The following NXPE2 variants were observed in gnomAD, a reference collection of about 807,000 sequenced individuals.
NXPE2 encodes the protein NXPE family member 2.
In NXPE2, 34 loss-of-function variants were observed where a neutral mutation model predicts 34.4. That is an observed-to-expected ratio of 0.99 (90% confidence interval 0.75 to 1.31). The LOEUF is 1.31. NXPE2 is among the 40% of genes most tolerant of loss of function. NXPE2 has a pLI of 0.00. For missense variants in NXPE2, 649 were observed against 672.5 expected (o/e 0.97, Z 0.39); for synonymous variants, 235 against 231.3 (o/e 1.02, Z -0.15).
At chr11:114,616,394 C>T in the NXPE2 span, among the ~76,000 whole-genome samples, 1 of 151,426 alleles carries the variant, frequency 6.6e-6, no homozygotes, top group Non-Finnish European at 1.5e-5. Flanking sequence ...ATAATTGTTG[C>T]CTCGTGGGTA....
At chr11:114,545,045 A>T in the NXPE2 span, among the ~76,000 whole-genome samples, 55 of 151,662 alleles carry the variant, frequency 3.6e-4, no homozygotes, top group African/African-American at 9.9e-4. Flanking sequence ...GCTAAAATTT[A>T]AAAAAAAACC....
At chr11:114,549,895 T>C in the NXPE2 span, among the ~76,000 whole-genome samples, 1 of 151,844 alleles carries the variant, frequency 6.6e-6, no homozygotes, top group African/African-American at 2.4e-5. Flanking sequence ...GGAAATAATA[T>C]ATAAAAAAAT....
chr11:114,515,228 C>T, the NXPE2 span, among the ~76,000 whole-genome samples: 4 of 151,740 alleles, frequency 2.6e-5, no homozygotes, highest in South Asian at 4.2e-4. Flanking sequence ...GAACTATATC[C>T]CCTGAGTTTG....
the NXPE2 span, among the ~76,000 whole-genome samples, chr11:114,563,358 T>C: frequency 6.6e-6 from 1 of 152,234 alleles, no homozygotes; most frequent in Non-Finnish European, 1.5e-5. Context: ...AATTTACTTA[T>C]TGATTCATTC....
At chr11:114,752,650 G>A in the NXPE2 span, among the ~76,000 whole-genome samples, 23 of 152,120 alleles carry the variant, frequency 1.5e-4, no homozygotes, top group African/African-American at 5.6e-4. Context: ...GGCATGAGAT[G>A]TGAATCAAGA....
At chr11:114,664,450 A>C in the NXPE2 span, among the ~76,000 whole-genome samples, 2 of 125,274 alleles carry the variant, frequency 1.6e-5, no homozygotes, top group Non-Finnish European at 3.8e-5. Context: ...AACTGTAAAC[A>C]AAAAAAAATA....
chr11:114,481,420 C>G, the NXPE2 span, among the ~76,000 whole-genome samples: 2 of 152,050 alleles, frequency 1.3e-5, no homozygotes, highest in Non-Finnish European at 2.9e-5. Context: ...TACACTATCT[C>G]AGATAAATTA....
chr11:114,786,174 C>T, the NXPE2 span, among the ~76,000 whole-genome samples: 3 of 152,220 alleles, frequency 2.0e-5, no homozygotes, highest in Non-Finnish European at 2.9e-5. Context: ...CACCCTTTCC[C>T]TGCATTGCGG....
intron 5 of NXPE2, 59 bp downstream of exon 5, chr11:114,706,055 A>C: frequency 6.1e-6 from 4 of 654,454 alleles, no homozygotes; most frequent in Non-Finnish European, 8.9e-6. Context: ...TTGAAATAAT[A>C]ATTAGAATTA....
the NXPE2 span, among the ~76,000 whole-genome samples, chr11:114,726,151 C>T: frequency 6.6e-6 from 1 of 151,466 alleles, no homozygotes; most frequent in Non-Finnish European, 1.5e-5. Context: ...TCTGTGTTGA[C>T]AGTTGTTTTC....
At chr11:114,710,793 A>G (rs958722335), downstream of NXPE2, among the ~76,000 whole-genome samples, 3 of 152,142 alleles carry the variant, frequency 2.0e-5, no homozygotes, top group African/African-American at 7.2e-5. Context: ...AAGAAAAGAA[A>G]ACTACAGGCT....
At chr11:114,466,065 T>G in the NXPE2 span, among the ~76,000 whole-genome samples, 1 of 152,214 alleles carries the variant, frequency 6.6e-6, no homozygotes, top group Non-Finnish European at 1.5e-5. Context: ...CGTATAGGAT[T>G]GTTCAATCGA....
At chr11:114,693,141 A>T (rs993683835) in intron 2 of NXPE2, among the ~76,000 whole-genome samples, 1 of 152,188 alleles carries the variant, frequency 6.6e-6, no homozygotes. Flanking sequence ...TGTGGTGCAC[A>T]CTTTGCCTTT....
the NXPE2 span, among the ~76,000 whole-genome samples, chr11:114,645,023 C>T: frequency 4.0e-4 from 60 of 151,714 alleles, no homozygotes; most frequent in South Asian, 2.5e-3. Context: ...AAAAACAGGC[C>T]GGGCATAGTG....
intron 2 of NXPE2, among the ~76,000 whole-genome samples, chr11:114,696,394 A>G (rs1044001769): frequency 4.0e-5 from 6 of 151,684 alleles, no homozygotes; most frequent in African/African-American, 1.2e-4. Flanking sequence ...ATAAGCTAGC[A>G]TCCATTTTAA....
the NXPE2 span, among the ~76,000 whole-genome samples, chr11:114,656,275 A>C: frequency 6.6e-6 from 1 of 152,184 alleles, no homozygotes; most frequent in Non-Finnish European, 1.5e-5. Flanking sequence ...CAAGGAAATA[A>C]GGGAGGATAC....
chr11:114,803,364 C>T, the NXPE2 span, among the ~76,000 whole-genome samples: 48 of 152,296 alleles, frequency 3.2e-4, no homozygotes, highest in African/African-American at 9.1e-4. Flanking sequence ...ACACTTCAGT[C>T]GCTGTATTAG....
chr11:114,779,313 G>A, the NXPE2 span, among the ~76,000 whole-genome samples: 3 of 125,130 alleles, frequency 2.4e-5, no homozygotes, highest in African/African-American at 9.5e-5. Flanking sequence ...TCAGCCTGGA[G>A]TGGGGTGTGG....
the NXPE2 span, among the ~76,000 whole-genome samples, chr11:114,783,989 A>G: frequency 3.2e-4 from 48 of 152,308 alleles, no homozygotes; most frequent in African/African-American, 1.0e-3. Context: ...TTGTAAAAGG[A>G]GAGGGAGCTA....
Sources: gnomAD v4.1 joint callset for allele counts (sites outside exome capture counted in the v4.1 genomes callset) on GRCh38, gnomAD v4.1.1 for gene constraint, MANE v1.5 for transcripts, NCBI Gene and HGNC (gene_info 2026-07-23, HGNC 2026-07-21) for gene names.